CRTC1: variants seen among roughly 807,000 people sequenced by gnomAD.
CRTC1 encodes CREB regulated transcription coactivator 1, also known as CREB-regulated transcription coactivator 1.
Under a neutral mutation model 66.1 loss-of-function variants are expected in CRTC1, and 18 were observed. The observed-to-expected ratio is 0.27, with a 90% CI of 0.19 to 0.40. The LOEUF (loss-of-function observed/expected upper bound fraction) is 0.40, where lower values mean the gene tolerates loss of function less well. CRTC1 is among the 10% of genes least tolerant of loss of function. The pLI is 1.00. For synonymous variants in CRTC1, 416 were observed against 398.8 expected (o/e 1.04, Z -0.51); for missense variants, 669 against 887.9 (o/e 0.75, Z 3.13).
intron 1 of CRTC1, among the ~76,000 whole-genome samples, chr19:18,709,166 C>T: frequency 6.6e-6 from 1 of 152,126 alleles, no homozygotes; most frequent in South Asian, 2.1e-4. Context: ...TGGCAGTGGG[C>T]AGAGCAGCTG....
intron 1 of CRTC1, among the ~76,000 whole-genome samples, chr19:18,725,864 C>T (rs11668500): frequency 2.6e-5 from 4 of 152,058 alleles, no homozygotes; most frequent in South Asian, 2.1e-4. Context: ...CCCCGTGTGT[C>T]GCGCTTCCGG....
intron 3 of CRTC1, among the ~76,000 whole-genome samples, 167 bp from the exon 4 acceptor site, chr19:18,746,886 C>T (rs558245597): frequency 1.3e-5 from 2 of 152,292 alleles, no homozygotes; most frequent in East Asian, 1.9e-4. Context: ...TGCTTGTAGC[C>T]AGGCAGGAAA....
chr19:18,782,235 C>T lies in CRTC1; in HGVS notation c.*4853C>T, dbSNP rs2055118652. Reference sequence around the variant, plus strand: ...GCGGGGGCAGGCGGCTCAGGGCACACTCGGCCGTCCCTGCCCCATCCTCTG... The same window carrying T: ...GCGGGGGCAGGCGGCTCAGGGCACATTCGGCCGTCCCTGCCCCATCCTCTG... On this transcript the variant is annotated 3_prime_UTR_variant, in exon 14 of 14. Transcript: ENST00000321949. The T allele has an allele frequency of 4.4e-6, 1 of 225,310 alleles. No individual in the cohort carries two copies. The highest frequency in any genetic ancestry group is 8.8e-6 in the Non-Finnish European group (1 of 113,234). 14.0% of individuals were successfully genotyped at this position (225,310 alleles called of 1,614,324 possible). A position where few individuals can be genotyped will look rare whatever the true frequency, so the allele number is the denominator to read the frequency against.
chr19:18,698,646 G>A (rs573917687), intron 1 of CRTC1, among the ~76,000 whole-genome samples: 6 of 149,500 alleles, frequency 4.0e-5, no homozygotes, highest in East Asian at 2.0e-4. Context: ...CAGCAGATGC[G>A]CAGTGTGTAC....
rs572273924 is a variant in CRTC1, at chr19:18,782,132, G to C, written c.*4750G>C. 608 of 224,916 alleles carry C rather than the reference G, an allele frequency of 2.7e-3. No individual in the cohort carries two copies. Among genetic ancestry groups the C allele is most frequent in the Non-Finnish European group, 3.4e-3 (384 of 112,846 alleles). 13.9% of individuals were successfully genotyped at this position (224,916 alleles called of 1,614,324 possible). On this transcript the variant is annotated 3_prime_UTR_variant, in exon 14 of 14. Transcript: ENST00000321949. ...CCTGCCTGTGCTCCTCTGTGCCCAGGCTGGCTCTCCCCCAACCCTAGCATG... is the reference window on the plus strand; with the variant it reads ...CCTGCCTGTGCTCCTCTGTGCCCAGCCTGGCTCTCCCCCAACCCTAGCATG...
rs999619678 is a variant in CRTC1, at chr19:18,766,967, G to C, written c.1011+1439G>C. On this transcript the variant is annotated intron_variant, in intron 9 of 13. Transcript: ENST00000321949. ...GTAATGGTAAATTCCTGTAGTCCCA[G>C]GTTTGGTAAAATTCACCAGTGCAGC... 3.3e-5 allele frequency among the ~76,000 whole-genome samples: 5 copies of C among 152,136 alleles called. No homozygotes were observed. In the South Asian group the frequency reaches 1.0e-3, roughly 32 times the overall value.
At chr19:18,691,769 A>G (rs1262738423) in intron 1 of CRTC1, among the ~76,000 whole-genome samples, 1 of 151,798 alleles carries the variant, frequency 6.6e-6, no homozygotes, top group Non-Finnish European at 1.5e-5. Context: ...GTTGGAGTGC[A>G]GTGGCGTGAT....
At chr19:18,766,011 G>C (rs1490473325) in intron 9 of CRTC1, among the ~76,000 whole-genome samples, 1 of 151,904 alleles carries the variant, frequency 6.6e-6, no homozygotes, top group Non-Finnish European at 1.5e-5. Flanking sequence ...TCAATTTGCT[G>C]TATTTGCTTG....
chr19:18,771,444 G>T lies in CRTC1; in HGVS notation c.1323G>T (p.Ala441=). 1 of 1,611,792 alleles carries T rather than the reference G, an allele frequency of 6.2e-7. No homozygotes were observed. The highest frequency in any genetic ancestry group is 8.5e-7 in the Non-Finnish European group (1 of 1,178,892). ...TGCTGATCTGTCTGTCATCGCAGGCGCCGGCTCTGCAGCAGTACCGCACTA... is the reference window on the plus strand; with the variant it reads ...TGCTGATCTGTCTGTCATCGCAGGCTCCGGCTCTGCAGCAGTACCGCACTA... ...QPSMGIDIAS[A]PALQQYRTSA... Residue 441 remains alanine, a splice_region_variant and synonymous_variant, in exon 11 of 14, where the codon GCG becomes GCT. Transcript: ENST00000321949. This position sits in a 1 kb window ranked among gnomAD's most constrained non-coding sequence, Gnocchi z 4.6.
intron 6 of CRTC1, 67 bp downstream of exon 6, chr19:18,753,652 G>T: frequency 7.9e-7 from 1 of 1,262,088 alleles, no homozygotes; most frequent in Non-Finnish European, 1.1e-6. Context: ...CCTGGGCAAA[G>T]GTGACAAAAT....
Position 18,778,358 on chromosome 19 carries a change from A to G in CRTC1, c.*976A>G, listed in dbSNP as rs981323778. The G allele has an allele frequency of 4.7e-5, 11 of 232,774 alleles. No homozygotes were observed. The highest frequency in any genetic ancestry group is 7.6e-5 in the Non-Finnish European group (9 of 117,824). The allele number at this position is 232,774 out of a possible 1,614,324, so 14.4% of individuals were successfully genotyped here. Reference sequence around the variant, plus strand: ...GACTCGCTTAATCTTTTAAGCCAACACTTGCCTGAGAGCATGTTTTTATTT... The same window carrying G: ...GACTCGCTTAATCTTTTAAGCCAACGCTTGCCTGAGAGCATGTTTTTATTT... On this transcript the variant is annotated 3_prime_UTR_variant, in exon 14 of 14. Transcript: ENST00000321949.
intron 2 of CRTC1, among the ~76,000 whole-genome samples, chr19:18,745,209 C>T (rs979817120): frequency 2.6e-5 from 4 of 152,198 alleles, no homozygotes; most frequent in Non-Finnish European, 5.9e-5. Context: ...CTCCGGAAGG[C>T]GCCTGTACTT....
rs552740806 is a variant in CRTC1, at chr19:18,738,416, C to T, written c.127-4494C>T. ...GCATGAGGGTCAGCTCCCCAATCCC[C>T]GTGTTGTCTCAGGGTCAACTGTAGT... On this transcript the variant is annotated intron_variant, in intron 1 of 13. Coordinates refer to ENST00000321949, the MANE Select transcript of CRTC1 (RefSeq NM_015321.3). Among the ~76,000 whole-genome samples the T allele has an allele frequency of 5.3e-5, 8 of 152,314 alleles. No homozygotes were observed. The South Asian group carries it at 1.4e-3, about 28-fold the overall frequency.
chr19:18,725,013 G>A (rs1012153447), intron 1 of CRTC1, among the ~76,000 whole-genome samples: 1 of 152,010 alleles, frequency 6.6e-6, no homozygotes, highest in African/African-American at 2.4e-5. Context: ...CCACCCAGGA[G>A]CGCTCCTGTT....
chr19:18,701,607 T>A (rs548434926), intron 1 of CRTC1, among the ~76,000 whole-genome samples: 1 of 152,250 alleles, frequency 6.6e-6, no homozygotes, highest in Non-Finnish European at 1.5e-5. Context: ...AGATAGGATT[T>A]TTGTTTTTTG....
At chr19:18,686,228 G>A (rs1011295838) in intron 1 of CRTC1, among the ~76,000 whole-genome samples, 14 of 152,120 alleles carry the variant, frequency 9.2e-5, no homozygotes, top group Non-Finnish European at 1.6e-4. Flanking sequence ...TTCACTCAGC[G>A]TCATGTTTTC....
intron 1 of CRTC1, among the ~76,000 whole-genome samples, chr19:18,702,439 T>C (rs1372749528): frequency 6.6e-6 from 1 of 151,718 alleles, no homozygotes; most frequent in Non-Finnish European, 1.5e-5. Flanking sequence ...TTGCCTACGC[T>C]GGTCTCAAAC....
intron 8 of CRTC1, among the ~76,000 whole-genome samples, chr19:18,762,626 G>C (rs1197050659): frequency 6.6e-6 from 1 of 152,326 alleles, no homozygotes; most frequent in South Asian, 2.1e-4. Flanking sequence ...TCCTGGCCCA[G>C]CTTTGAGGCC....
At chr19:18,690,654 A>G (rs949938902) in intron 1 of CRTC1, among the ~76,000 whole-genome samples, 1 of 152,136 alleles carries the variant, frequency 6.6e-6, no homozygotes, top group African/African-American at 2.4e-5. Context: ...GTTTCTGTAG[A>G]TGTGATTAAG....
Sources: allele counts gnomAD v4.1 joint callset (sites outside exome capture counted in the v4.1 genomes callset), GRCh38; gene constraint gnomAD v4.1.1; non-coding constraint Gnocchi (gnomAD v3.1); transcripts MANE v1.5; gene names NCBI Gene and HGNC (gene_info 2026-07-23, HGNC 2026-07-21).